Variants in GPR39 observed in about 807,000 individuals in gnomAD.
GPR39 encodes zinc sensing receptor.
A neutral mutation model predicts 18.4 loss-of-function variants in GPR39; 23 were observed. The observed-to-expected ratio is 1.25, with a 90% CI of 0.90 to 1.77. The LOEUF (loss-of-function observed/expected upper bound fraction) is 1.77. Ranked by LOEUF, GPR39 falls within the 40% of genes most tolerant of loss-of-function variation. The probability of loss-of-function intolerance (pLI) is 0.00; values close to 1 mark genes in which losing one functional copy is unlikely to be tolerated. For missense variants in GPR39, 647 were observed against 602.4 expected, an observed-to-expected ratio of 1.07 and a Z score of -0.78; for synonymous variants, 280 against 257.9, an observed-to-expected ratio of 1.09 and a Z score of -0.82.
intron 1 of GPR39, among the ~76,000 whole-genome samples, chr2:132,538,785 A>G (rs1215996770): frequency 6.6e-6 from 1 of 152,170 alleles, no homozygotes; most frequent in African/African-American, 2.4e-5. Context: ...ATCTAGAGAA[A>G]CATTCTGGCC....
chr2:132,630,765 G>A (rs889701548), intron 1 of GPR39, among the ~76,000 whole-genome samples: 1 of 152,134 alleles, frequency 6.6e-6, no homozygotes, highest in Non-Finnish European at 1.5e-5. Context: ...CTTAGGGATC[G>A]ATTGGATGTG....
chr2:132,478,249 A>G (rs1681165211), intron 1 of GPR39, among the ~76,000 whole-genome samples: 1 of 152,234 alleles, frequency 6.6e-6, no homozygotes, highest in African/African-American at 2.4e-5. Context: ...GTGACTTGGC[A>G]TAGAAGGGAT....
At chr2:132,485,693 A>T (rs1379196050) in intron 1 of GPR39, among the ~76,000 whole-genome samples, 1 of 152,220 alleles carries the variant, frequency 6.6e-6, no homozygotes, top group East Asian at 1.9e-4. Context: ...GATTGTGGCA[A>T]TTCAATCACA....
At position 132,645,426 on chromosome 2, in the gene GPR39, CGCGTCCCGGCGCCAGTCCTCT is replaced by C. The variant is rs759536674; in HGVS notation, c.1185_1205del (p.Ser396_Ala402del). The C allele has an allele frequency of 6.2e-6, 10 of 1,613,418 alleles. No homozygotes were observed. In the Admixed American group the frequency reaches 1.3e-4, roughly 22 times the overall value. On this transcript the variant is annotated inframe_deletion, in exon 2 of 2. Transcript: ENST00000329321. Reference sequence around the variant, plus strand: ...GCTTTGTGCAGCGCCCGTTGCTCTTCGCGTCCCGGCGCCAGTCCTCTGCAAGGAGAACTGAGAAGATTTTCT... The same window carrying C: ...GCTTTGTGCAGCGCCCGTTGCTCTTCGCAAGGAGAACTGAGAAGATTTTCT...
intron 1 of GPR39, among the ~76,000 whole-genome samples, chr2:132,493,075 A>ATATATAC (rs201950260): frequency 1.5e-5 from 2 of 135,336 alleles, no homozygotes; most frequent in East Asian, 2.2e-4. Context: ...TATATATACC[A>ATATATAC]CATATATACC....
At chr2:132,615,251 A>G (rs1412466901) in intron 1 of GPR39, among the ~76,000 whole-genome samples, 1 of 152,192 alleles carries the variant, frequency 6.6e-6, no homozygotes, top group Admixed American at 6.5e-5. Context: ...AGAGACCTGC[A>G]TGGCACACTT....
At chr2:132,629,514 A>G (rs1009342370) in intron 1 of GPR39, among the ~76,000 whole-genome samples, 1 of 152,242 alleles carries the variant, frequency 6.6e-6, no homozygotes. Flanking sequence ...AATGTGATTT[A>G]TATAGTTCAT....
At position 132,480,830 on chromosome 2, in the gene GPR39, T is replaced by G. The variant is rs552630587; in HGVS notation, c.856+62932T>G. Among the ~76,000 whole-genome samples the G allele has an allele frequency of 5.9e-5, 9 of 152,328 alleles. No homozygotes were observed. The South Asian group carries it at 1.9e-3, about 32-fold the overall frequency. ...GCTGTTGGAAGCTCTTTTTTGTTTG[T>G]TTTGCGTTTTCTCTCATGTTTCTAT... On this transcript the variant is annotated intron_variant, in intron 1 of 1. Coordinates refer to ENST00000329321, the MANE Select transcript of GPR39 (RefSeq NM_001508.3).
chr2:132,462,942 T>G (rs1015050467), intron 1 of GPR39, among the ~76,000 whole-genome samples: 6 of 152,246 alleles, frequency 3.9e-5, no homozygotes, highest in African/African-American at 1.4e-4. Context: ...TTCTGCTCTT[T>G]TCAGCCTTTC....
intron 1 of GPR39, among the ~76,000 whole-genome samples, chr2:132,452,199 ATTCT>A (rs1282526414): frequency 1.3e-5 from 2 of 152,064 alleles, no homozygotes; most frequent in East Asian, 3.9e-4. Flanking sequence ...CTGCCCAAAT[ATTCT>A]TTCTTTATCT....
intron 1 of GPR39, among the ~76,000 whole-genome samples, chr2:132,616,023 T>C (rs1293723232): frequency 1.3e-5 from 2 of 151,178 alleles, no homozygotes; most frequent in African/African-American, 2.4e-5. Flanking sequence ...GTCACAGGAA[T>C]GCAAACAGCC....
intron 1 of GPR39, among the ~76,000 whole-genome samples, chr2:132,442,203 G>T (rs1680452442): frequency 6.6e-6 from 1 of 152,200 alleles, no homozygotes; most frequent in Admixed American, 6.5e-5. Context: ...GAGGTAGTTG[G>T]GTCCAAGAAA....
At chr2:132,598,452 T>TTTTTTTTA (rs61327558) in intron 1 of GPR39, among the ~76,000 whole-genome samples, 1 of 140,814 alleles carries the variant, frequency 7.1e-6, no homozygotes, top group African/African-American at 2.6e-5. Context: ...TTTTTTTTTT[T>TTTTTTTTA]AAGCAATGGG....
chr2:132,479,944 T>G (rs1243947906), intron 1 of GPR39, among the ~76,000 whole-genome samples: 8 of 152,126 alleles, frequency 5.3e-5, no homozygotes, highest in Non-Finnish European at 1.0e-4. Context: ...AAGAGAACCC[T>G]TGGGCACTGT....
intron 1 of GPR39, among the ~76,000 whole-genome samples, chr2:132,599,618 C>T (rs774909687): frequency 6.6e-6 from 1 of 152,152 alleles, no homozygotes; most frequent in Non-Finnish European, 1.5e-5. Context: ...TACTTCATCA[C>T]CAAAATATGA....
chr2:132,642,610 C>T (rs1230752462), intron 1 of GPR39, among the ~76,000 whole-genome samples: 2 of 152,190 alleles, frequency 1.3e-5, no homozygotes, highest in Non-Finnish European at 2.9e-5. Context: ...AGAAGAAAAG[C>T]AATGTTATCA....
At chr2:132,603,589 A>G (rs1681083370) in intron 1 of GPR39, among the ~76,000 whole-genome samples, 1 of 152,078 alleles carries the variant, frequency 6.6e-6, no homozygotes, top group Admixed American at 6.5e-5. Flanking sequence ...CCCTGATTTG[A>G]TCATTACATA....
chr2:132,501,161 T>C (rs1351905912), intron 1 of GPR39, among the ~76,000 whole-genome samples: 2 of 151,686 alleles, frequency 1.3e-5, no homozygotes, highest in African/African-American at 4.8e-5. Context: ...GTTTCTCCAG[T>C]TCTGTGAGGT....
chr2:132,443,299 A>G lies in GPR39; in HGVS notation c.856+25401A>G, dbSNP rs1380542907. 2.0e-5 allele frequency among the ~76,000 whole-genome samples: 3 copies of G among 152,190 alleles called. No homozygotes were observed. The East Asian group carries it at 5.8e-4, about 29-fold the overall frequency. ...ATGCTTTTATTGCGTAACTCATCCA[A>G]TATTACTAAAGTACAGATGGTACCT... On this transcript the variant is annotated intron_variant, in intron 1 of 1. Transcript: ENST00000329321.
Sources: allele counts gnomAD v4.1 joint callset (sites outside exome capture counted in the v4.1 genomes callset), GRCh38; gene constraint gnomAD v4.1.1; transcripts MANE v1.5; gene names NCBI Gene and HGNC (gene_info 2026-07-23, HGNC 2026-07-21).